Variants in SDK2 observed in about 807,000 individuals in gnomAD.
SDK2 encodes the protein protein sidekick-2.
A neutral mutation model predicts 253.9 loss-of-function variants in SDK2; 105 were observed. The observed-to-expected ratio is 0.41, with a 90% confidence interval of 0.35 to 0.49. The LOEUF (loss-of-function observed/expected upper bound fraction) is 0.49. Among genes scored for constraint, SDK2 ranks in the 20% least tolerant of loss-of-function variants. SDK2 has a pLI of 0.06. For synonymous variants in SDK2, 1,249 were observed against 1,234.9 expected, an observed-to-expected ratio of 1.01 and a Z score of -0.24; for missense variants, 2,608 against 3,003.0, an observed-to-expected ratio of 0.87 and a Z score of 3.07.
intron 1 of SDK2, among the ~76,000 whole-genome samples, chr17:73,545,538 G>T (rs1045151920): frequency 1.3e-5 from 2 of 152,170 alleles, no homozygotes; most frequent in Non-Finnish European, 2.9e-5. Flanking sequence ...ATGCCCTGCC[G>T]CAAGCAGGCA....
intron 39 of SDK2, 64 bp from the exon 40 acceptor site, chr17:73,358,268 C>G (rs2062610112): frequency 6.5e-7 from 1 of 1,541,876 alleles, no homozygotes; most frequent in African/African-American, 1.4e-5. Flanking sequence ...GCCCGTCACC[C>G]TGGGCTCGAG....
rs1490146617 is a variant in SDK2 at position 73,612,010 on chromosome 17, G to A, written c.64+32015C>T. Among the ~76,000 whole-genome samples, 3 of 152,188 alleles carry A rather than the reference G, an allele frequency of 2.0e-5. No individual in the cohort carries two copies. Among genetic ancestry groups the A allele is most frequent in the Non-Finnish European group, 2.9e-5 (2 of 68,034 alleles). On this transcript the variant is annotated intron_variant, in intron 1 of 44. Coordinates refer to ENST00000392650, the MANE Select transcript of SDK2 (RefSeq NM_001144952.2). The surrounding 1 kb of genome is among the most constrained non-coding windows in gnomAD (Gnocchi z 4.4). ...CAGACACTTTCCCTGTCTCAGGAGG[G>A]AGCCCACATTACCCATCAGCCGCCA... is the stretch of plus-strand genomic sequence containing the variant.
At chr17:73,423,103 A>C (rs1257925732) in intron 14 of SDK2, among the ~76,000 whole-genome samples, 1 of 150,904 alleles carries the variant, frequency 6.6e-6, no homozygotes, top group Non-Finnish European at 1.5e-5. Context: ...GGAATACATA[A>C]ATAAATAAAT....
intron 1 of SDK2, among the ~76,000 whole-genome samples, chr17:73,526,711 C>T (rs1254642201): frequency 2.0e-5 from 3 of 151,974 alleles, no homozygotes; most frequent in Non-Finnish European, 4.4e-5. Context: ...GTATTTGTGT[C>T]CTGAGGGCTT....
chr17:73,529,243 G>C (rs140325832), intron 1 of SDK2, among the ~76,000 whole-genome samples: 127 of 152,278 alleles, frequency 8.3e-4, no homozygotes, highest in African/African-American at 2.9e-3. Context: ...CGAGGTTGGG[G>C]ACAGCTGAGG....
rs1185759415 is a variant in SDK2 at position 73,365,314 on chromosome 17, G to C, written c.5249C>G (p.Pro1750Arg). 1.9e-6 allele frequency: 3 copies of C among 1,613,106 alleles called. No individual in the cohort carries two copies. In the African/African-American group the frequency reaches 4.0e-5, roughly 22 times the overall value. Residue 1750 changes from proline to arginine, a missense_variant, in exon 38 of 45, where the codon CCC (proline) becomes CGC (arginine). Pro to Arg is a moderately radical substitution (Grantham distance 103, BLOSUM62 -2). Transcript: ENST00000392650. The part of the protein sequence containing the change: ...VNVSWEAPQF[P>R]NGILEGYRLV... The stretch of plus-strand genomic sequence containing the variant: ...CCTGTAGCCCTCCAGGATGCCATTG[G>C]GGAACTGCGGGGCTTCCCAGGACAC...
intron 2 of SDK2, among the ~76,000 whole-genome samples, chr17:73,475,913 ACCAGCATGG>A (rs903922540): frequency 2.6e-5 from 4 of 152,194 alleles, no homozygotes; most frequent in African/African-American, 4.8e-5. Flanking sequence ...GGAGTTCAAG[ACCAGCATGG>A]CCAGCATGGC....
At chr17:73,363,974 C>T (rs1244852592) in intron 38 of SDK2, among the ~76,000 whole-genome samples, 2 of 151,812 alleles carry the variant, frequency 1.3e-5, no homozygotes, top group Non-Finnish European at 2.9e-5. Context: ...GACTGAGGGC[C>T]ATTGTTCCCT....
Position 73,511,065 on chromosome 17 carries a change from C to T in SDK2, c.65-3468G>A, listed in dbSNP as rs577704814. 5.9e-5 allele frequency among the ~76,000 whole-genome samples: 9 copies of T among 152,280 alleles called. No individual in the cohort carries two copies. Among genetic ancestry groups the T allele is most frequent in the South Asian group, 2.1e-4 (1 of 4,828 alleles). The stretch of plus-strand genomic sequence containing the variant: ...GGAAAAGGACCCACTGCCCGCCGCC[C>T]GGCTGGCAGCAGCCAGCTCTGCTCT... On this transcript the variant is annotated intron_variant, in intron 1 of 44. Transcript: ENST00000392650. This position sits in a 1 kb window ranked among gnomAD's most constrained non-coding sequence, Gnocchi z 4.9.
At chr17:73,585,081 A>G (rs1193902368) in intron 1 of SDK2, among the ~76,000 whole-genome samples, 1 of 152,134 alleles carries the variant, frequency 6.6e-6, no homozygotes, top group African/African-American at 2.4e-5. Flanking sequence ...CAGCACACAC[A>G]ACAGTGCCCA....
intron 1 of SDK2, among the ~76,000 whole-genome samples, chr17:73,510,291 C>T (rs1172948019): frequency 6.6e-6 from 1 of 152,172 alleles, no homozygotes; most frequent in Non-Finnish European, 1.5e-5. Flanking sequence ...AAACCTTGCA[C>T]CCCACAGGCC....
Position 73,369,528 on chromosome 17 carries a change from A to G in SDK2, c.4981-935T>C, listed in dbSNP as rs373589207. 3.3e-5 allele frequency among the ~76,000 whole-genome samples: 5 copies of G among 152,340 alleles called. No individual in the cohort carries two copies. The East Asian group carries it at 5.8e-4, about 18-fold the overall frequency. On this transcript the variant is annotated intron_variant, in intron 36 of 44. Transcript: ENST00000392650. ...ACATTCAGTGAGGTTAAGGACACGT[A>G]CTTCCTGGGGTCCGTGTGAGGGGTG... is the stretch of plus-strand genomic sequence containing the variant.
In SDK2 at chr17:73,435,745, G is replaced by C; in HGVS notation, c.1001-101C>G. ...GCCGGGCCCGGAAATCTGCGAGGGG[G>C]TCCCTGGTGAATCTTGGTGTCTAGA... On this transcript the variant is annotated intron_variant, in intron 8 of 44. Coordinates refer to ENST00000392650, the MANE Select transcript of SDK2 (RefSeq NM_001144952.2). This position sits in a 1 kb window ranked among gnomAD's most constrained non-coding sequence, Gnocchi z 5.7. 9.1e-7 allele frequency: 1 copy of C among 1,097,554 alleles called. No individual in the cohort carries two copies. Among genetic ancestry groups the C allele is most frequent in the South Asian group, 1.6e-5 (1 of 62,758 alleles). The allele number at this position is 1,097,554 out of a possible 1,614,324, so 68.0% of individuals were successfully genotyped here.
chr17:73,444,444 C>T (rs1191896443), intron 5 of SDK2, among the ~76,000 whole-genome samples: 1 of 149,400 alleles, frequency 6.7e-6, no homozygotes, highest in East Asian at 2.1e-4. Flanking sequence ...GGTGTCTTCC[C>T]GGTGAGCTCC....
Position 73,337,138 on chromosome 17 carries a change from C to CT in SDK2, c.*1448dup, listed in dbSNP as rs2062386887. On this transcript the variant is annotated 3_prime_UTR_variant, in exon 45 of 45. Transcript: ENST00000392650. ...TCACTTGGTCCCATCTGACCTGCCC[C>CT]TGCTGGGCGTGCAATTCAAATGCTG... 6.6e-6 allele frequency: 1 copy of CT among 152,292 alleles called. No individual in the cohort carries two copies. 9.4% of individuals were successfully genotyped at this position (152,292 alleles called of 1,614,324 possible).
rs537436306 is a variant in SDK2 at position 73,347,262 on chromosome 17, A to T, written c.6165+1337T>A. On this transcript the variant is annotated intron_variant, in intron 44 of 44. Coordinates refer to ENST00000392650, the MANE Select transcript of SDK2 (RefSeq NM_001144952.2). ...GTAATCCCAGCTACTCTGGAGGCTG[A>T]GGCACGAGAATCACTTGAACCCAGG... Among the ~76,000 whole-genome samples, 5 of 152,314 alleles carry T rather than the reference A, an allele frequency of 3.3e-5. No individual in the cohort carries two copies. In the East Asian group the frequency reaches 9.7e-4, roughly 29 times the overall value.
intron 1 of SDK2, among the ~76,000 whole-genome samples, chr17:73,549,055 T>A (rs143718802): frequency 6.6e-6 from 1 of 152,362 alleles, no homozygotes; most frequent in Non-Finnish European, 1.5e-5. Flanking sequence ...GCCTTCCCGT[T>A]GTTGGCCGAG....
chr17:73,395,363 G>C lies in SDK2; in HGVS notation c.3384C>G (p.Asn1128Lys). The change falls in exon 25 of 45, where the codon AAC (asparagine) becomes AAG (lysine). Residue 1128 changes from asparagine to lysine, a missense_variant. Coordinates refer to ENST00000392650, the MANE Select transcript of SDK2 (RefSeq NM_001144952.2). The surrounding 1 kb of genome is among the most constrained non-coding windows in gnomAD (Gnocchi z 4.3). Reference sequence around the variant, plus strand: ...TGATCTTATAGCCCACGGACTCAGGGTTCCCATTGTATTCCATCTCCGGGA... The same window carrying C: ...TGATCTTATAGCCCACGGACTCAGGCTTCCCATTGTATTCCATCTCCGGGA... ...MPLPEMEYNG[N>K]PESVGYKIKY... 6.2e-6 allele frequency: 10 copies of C among 1,613,948 alleles called. No homozygotes were observed. The highest frequency in any genetic ancestry group is 7.6e-6 in the Non-Finnish European group (9 of 1,179,886).
chr17:73,574,006 G>T (rs899269641), intron 1 of SDK2, among the ~76,000 whole-genome samples: 10 of 152,206 alleles, frequency 6.6e-5, no homozygotes, highest in Non-Finnish European at 2.9e-5. Context: ...AGACCTGCTG[G>T]CTTCTTCCTG....
Sources: gnomAD v4.1 joint callset for allele counts (sites outside exome capture counted in the v4.1 genomes callset) on GRCh38, gnomAD v4.1.1 for gene constraint, Gnocchi (gnomAD v3.1) non-coding constraint, MANE v1.5 for transcripts, NCBI Gene and HGNC (gene_info 2026-07-23, HGNC 2026-07-21) for gene names.